Variants in SSBP2 observed in about 807,000 individuals in gnomAD.
SSBP2 encodes the protein single-stranded DNA-binding protein 2.
SSBP2 carries 17 observed loss-of-function variants against 61.8 expected under a neutral mutation model. That is an observed-to-expected ratio of 0.28 (90% CI 0.19 to 0.41). SSBP2 has a LOEUF of 0.41. SSBP2 is among the 10% of genes least tolerant of loss of function. The probability of loss-of-function intolerance (pLI) is 1.00; values close to 1 mark genes in which losing one functional copy is unlikely to be tolerated. For synonymous variants in SSBP2, 139 were observed against 141.3 expected (o/e 0.98, Z 0.12); for missense variants, 310 against 458.7 (o/e 0.68, Z 2.96).
chr5:81,646,500 G>A (rs1749277397), intron 2 of SSBP2, among the ~76,000 whole-genome samples: 1 of 151,828 alleles, frequency 6.6e-6, no homozygotes, highest in Non-Finnish European at 1.5e-5. Context: ...GACCAGTTAA[G>A]AAGTCATTCT....
At chr5:81,745,715 C>G (rs1358949224) in intron 1 of SSBP2, among the ~76,000 whole-genome samples, 1 of 152,054 alleles carries the variant, frequency 6.6e-6, no homozygotes, top group Admixed American at 6.5e-5. Context: ...AGTTCCATGT[C>G]TTTCAAACTC....
intron 10 of SSBP2, among the ~76,000 whole-genome samples, chr5:81,455,686 A>G (rs567792853): frequency 6.7e-6 from 1 of 149,590 alleles, no homozygotes; most frequent in African/African-American, 2.5e-5. Context: ...TATACTTTAT[A>G]TTAAATACTC....
At chr5:81,425,032 G>T (rs1490237869) in intron 16 of SSBP2, among the ~76,000 whole-genome samples, 1 of 152,170 alleles carries the variant, frequency 6.6e-6, no homozygotes, top group East Asian at 1.9e-4. Flanking sequence ...TTACAGTTTG[G>T]TTCAGTTAAA....
At chr5:81,597,112 C>G (rs1743835064) in intron 4 of SSBP2, among the ~76,000 whole-genome samples, 1 of 152,320 alleles carries the variant, frequency 6.6e-6, no homozygotes, top group East Asian at 1.9e-4. Context: ...ACCTACTCAT[C>G]TGACAAAGGG....
chr5:81,612,135 A>G (rs1006810933), intron 4 of SSBP2, among the ~76,000 whole-genome samples: 6 of 152,146 alleles, frequency 3.9e-5, no homozygotes, highest in Non-Finnish European at 8.8e-5. Context: ...TACACATTAC[A>G]TATGTACAGC....
At chr5:81,487,677 T>C (rs1300642525) in intron 6 of SSBP2, among the ~76,000 whole-genome samples, 1 of 151,934 alleles carries the variant, frequency 6.6e-6, no homozygotes, top group Non-Finnish European at 1.5e-5. Context: ...ATGTGATGAT[T>C]TGACATACCT....
At chr5:81,482,184 T>A (rs1357931597) in intron 6 of SSBP2, among the ~76,000 whole-genome samples, 2 of 152,124 alleles carry the variant, frequency 1.3e-5, no homozygotes, top group African/African-American at 4.8e-5. Context: ...TCTCAAGTTA[T>A]CCATGTGCCT....
rs76357012 is a variant in SSBP2 at position 81,647,045 on chromosome 5, G to A, written c.135+3222C>T. Among the ~76,000 whole-genome samples the A allele has an allele frequency of 7.4e-3, 1,122 of 152,176 alleles. 4 individuals carry two copies. The highest frequency in any genetic ancestry group is 0.012 in the Non-Finnish European group (797 of 67,986). ...CAACTGAAATTATCAAGAACTCTAG[G>A]ATGTACTCAGCAATGGCTTATCACA... On this transcript the variant is annotated intron_variant, in intron 2 of 16. Transcript: ENST00000320672.
chr5:81,699,405 C>T (rs1411697253), intron 1 of SSBP2, among the ~76,000 whole-genome samples: 2 of 152,362 alleles, frequency 1.3e-5, no homozygotes, highest in Middle Eastern at 3.4e-3. Flanking sequence ...GTTTTATCAA[C>T]TAAGTTTATG....
At chr5:81,735,354 C>T (rs1756528808) in intron 1 of SSBP2, among the ~76,000 whole-genome samples, 1 of 152,174 alleles carries the variant, frequency 6.6e-6, no homozygotes, top group South Asian at 2.1e-4. Context: ...AGTCATCCTT[C>T]CACATCCATG....
At chr5:81,719,027 A>T (rs2153965075) in intron 1 of SSBP2, among the ~76,000 whole-genome samples, 1 of 152,288 alleles carries the variant, frequency 6.6e-6, no homozygotes, top group Admixed American at 6.5e-5. Context: ...CATTTTTTAT[A>T]ATAACAAGTA....
intron 1 of SSBP2, among the ~76,000 whole-genome samples, chr5:81,690,760 G>A (rs1461363222): frequency 6.6e-6 from 1 of 152,072 alleles, no homozygotes; most frequent in Non-Finnish European, 1.5e-5. Context: ...TCCAATAGCT[G>A]CAGAATACAC....
At chr5:81,503,647 T>C (rs1197551367) in intron 5 of SSBP2, among the ~76,000 whole-genome samples, 2 of 152,182 alleles carry the variant, frequency 1.3e-5, no homozygotes, top group African/African-American at 4.8e-5. Context: ...CCCAAAGGAA[T>C]ATAAACTATT....
intron 1 of SSBP2, among the ~76,000 whole-genome samples, chr5:81,730,106 T>C (rs1434250334): frequency 2.6e-5 from 4 of 152,234 alleles, no homozygotes; most frequent in Non-Finnish European, 4.4e-5. Flanking sequence ...ATTTCTTTTT[T>C]AATTAAATGA....
intron 1 of SSBP2, among the ~76,000 whole-genome samples, chr5:81,652,429 AG>A (rs1284652963): frequency 1.3e-5 from 2 of 152,152 alleles, no homozygotes; most frequent in African/African-American, 4.8e-5. Context: ...ATGTATTGGA[AG>A]GAACTGAGAA....
At chr5:81,625,202 GT>G (rs1747025963) in intron 3 of SSBP2, among the ~76,000 whole-genome samples, 1 of 152,104 alleles carries the variant, frequency 6.6e-6, no homozygotes, top group Non-Finnish European at 1.5e-5. Flanking sequence ...TTTAGTTTAG[GT>G]AAGTTTCATA....
intron 1 of SSBP2, among the ~76,000 whole-genome samples, chr5:81,687,953 C>A (rs1011273469): frequency 6.6e-6 from 1 of 152,172 alleles, no homozygotes; most frequent in African/African-American, 2.4e-5. Flanking sequence ...CAAGGAGGAA[C>A]TCCTTCTGAT....
At chr5:81,671,722 T>A (rs1751592233) in intron 1 of SSBP2, among the ~76,000 whole-genome samples, 1 of 152,088 alleles carries the variant, frequency 6.6e-6, no homozygotes, top group Non-Finnish European at 1.5e-5. Flanking sequence ...TAAGTAATTT[T>A]CAGATTTGCT....
chr5:81,425,101 T>G (rs893533567), intron 16 of SSBP2, among the ~76,000 whole-genome samples: 6 of 152,224 alleles, frequency 3.9e-5, no homozygotes, highest in African/African-American at 1.4e-4. Context: ...TCTTTTAATG[T>G]GAAATGAGAT....
Sources: allele counts gnomAD v4.1 joint callset (sites outside exome capture counted in the v4.1 genomes callset), GRCh38; gene constraint gnomAD v4.1.1; transcripts MANE v1.5; gene names NCBI Gene and HGNC (gene_info 2026-07-23, HGNC 2026-07-21).